Variants in SLC35D4 observed in about 807,000 individuals in gnomAD.
SLC35D4 encodes the protein solute carrier family 35 member D4.
the SLC35D4 span, among the ~76,000 whole-genome samples, chr18:23,381,573 T>TAAC: frequency 9.6e-4 from 146 of 152,200 alleles, no homozygotes; most frequent in Middle Eastern, 3.4e-3. Context: ...TTTGTTTTAA[T>TAAC]AACAACAACA....
the SLC35D4 span, among the ~76,000 whole-genome samples, chr18:23,411,290 G>GGGGAAAGGGAAGAGGAGGGAA: frequency 2.8e-5 from 4 of 141,586 alleles, no homozygotes; most frequent in Non-Finnish European, 6.2e-5. Flanking sequence ...AGAGAAGGGA[G>GGGGAAAGGGAAGAGGAGGGAA]GGGAAAGGGA....
the SLC35D4 span, among the ~76,000 whole-genome samples, chr18:23,265,963 C>G: frequency 6.6e-5 from 10 of 152,092 alleles, no homozygotes; most frequent in Non-Finnish European, 1.2e-4. Context: ...TCCATGAAAT[C>G]AATTTTCATT....
the SLC35D4 span, among the ~76,000 whole-genome samples, chr18:23,397,331 C>T: frequency 1.3e-5 from 2 of 152,176 alleles, no homozygotes; most frequent in Admixed American, 6.5e-5. Context: ...CAGAGTGAAG[C>T]CTGGGACTCA....
the SLC35D4 span, chr18:23,257,532 G>A: frequency 1.2e-5 from 9 of 729,714 alleles, no homozygotes; most frequent in Middle Eastern, 7.4e-4. Flanking sequence ...GGAGTCTTGG[G>A]TGTGTAGCCA....
At chr18:23,411,227 AG>A in the SLC35D4 span, among the ~76,000 whole-genome samples, 1 of 97,860 alleles carries the variant, frequency 1.0e-5, no homozygotes, top group Non-Finnish European at 1.9e-5. Context: ...AGGGGAGGGG[AG>A]GGAAGGGAAG....
chr18:23,389,900 GAACTAT>G, the SLC35D4 span, among the ~76,000 whole-genome samples: 1 of 152,056 alleles, frequency 6.6e-6, no homozygotes, highest in Non-Finnish European at 1.5e-5. Context: ...TTCCTAATGT[GAACTAT>G]AACCCATTAG....
the SLC35D4 span, among the ~76,000 whole-genome samples, chr18:23,340,471 G>C: frequency 6.6e-6 from 1 of 152,170 alleles, no homozygotes; most frequent in South Asian, 2.1e-4. Flanking sequence ...ATTTGAGGAG[G>C]TGCTTGTTCA....
chr18:23,249,070 TGAG>T, the SLC35D4 span, among the ~76,000 whole-genome samples: 27 of 152,310 alleles, frequency 1.8e-4, no homozygotes, highest in South Asian at 4.3e-3. Flanking sequence ...ACCTGCCAAA[TGAG>T]GACCCAGAAG....
the SLC35D4 span, among the ~76,000 whole-genome samples, chr18:23,280,690 C>T: frequency 2.0e-5 from 3 of 152,146 alleles, no homozygotes; most frequent in African/African-American, 7.2e-5. Flanking sequence ...AAAATGGAAC[C>T]CGGACCCTTT....
the SLC35D4 span, among the ~76,000 whole-genome samples, chr18:23,267,284 T>C: frequency 7.9e-5 from 12 of 152,142 alleles, no homozygotes; most frequent in Admixed American, 6.5e-5. Flanking sequence ...GCACATGGCC[T>C]CAGGACACCA....
the SLC35D4 span, among the ~76,000 whole-genome samples, chr18:23,436,741 C>T: frequency 1.3e-5 from 2 of 151,950 alleles, no homozygotes; most frequent in Non-Finnish European, 2.9e-5. Flanking sequence ...TGCAGTGAGC[C>T]GAGATCACGT....
chr18:23,275,272 G>A, the SLC35D4 span, among the ~76,000 whole-genome samples: 1 of 152,104 alleles, frequency 6.6e-6, no homozygotes, highest in South Asian at 2.1e-4. Flanking sequence ...GACCTTGGGC[G>A]CCTCCAGATT....
chr18:23,293,840 T>G, the SLC35D4 span, among the ~76,000 whole-genome samples: 3 of 152,254 alleles, frequency 2.0e-5, no homozygotes, highest in Non-Finnish European at 2.9e-5. Flanking sequence ...TTGCCCAGGC[T>G]GGAGTGCAGT....
the SLC35D4 span, among the ~76,000 whole-genome samples, chr18:23,250,216 G>A: frequency 7.9e-5 from 12 of 152,208 alleles, no homozygotes; most frequent in African/African-American, 1.9e-4. Flanking sequence ...CTCACAGGGC[G>A]TCAGGCCCCC....
the SLC35D4 span, chr18:23,298,214 C>T: frequency 2.2e-6 from 2 of 896,016 alleles, no homozygotes; most frequent in Non-Finnish European, 3.5e-6. Flanking sequence ...CCAGGTCAAG[C>T]CCAGGAATCG....
At chr18:23,377,745 A>T in the SLC35D4 span, 1 of 1,317,366 alleles carries the variant, frequency 7.6e-7, no homozygotes, top group Non-Finnish European at 1.0e-6. Flanking sequence ...AAACATTTTG[A>T]TCAAGAGGCA....
chr18:23,430,648 G>A, the SLC35D4 span: 2 of 1,612,494 alleles, frequency 1.2e-6, no homozygotes, highest in African/African-American at 1.3e-5. Flanking sequence ...ATAATGTAGG[G>A]TAGGTAAATT....
chr18:23,423,448 A>G, the SLC35D4 span, among the ~76,000 whole-genome samples: 1 of 152,150 alleles, frequency 6.6e-6, no homozygotes, highest in Non-Finnish European at 1.5e-5. Context: ...GGGGGAGAGG[A>G]GCGGAAGGTA....
At chr18:23,393,748 G>C in the SLC35D4 span, among the ~76,000 whole-genome samples, 1 of 152,106 alleles carries the variant, frequency 6.6e-6, no homozygotes, top group East Asian at 1.9e-4. Context: ...CTCCCAAGTA[G>C]CTGGGATTAC....
Sources: gnomAD v4.1 joint callset for allele counts (sites outside exome capture counted in the v4.1 genomes callset) on GRCh38, gnomAD v4.1.1 for gene constraint, MANE v1.5 for transcripts, NCBI Gene and HGNC (gene_info 2026-07-23, HGNC 2026-07-21) for gene names.